PRKCA: variants seen among roughly 807,000 people sequenced by gnomAD.
The protein encoded by PRKCA is protein kinase C alpha.
Under a neutral mutation model 87.0 loss-of-function variants are expected in PRKCA, and 27 were observed. That is an observed-to-expected ratio of 0.31 (90% CI 0.23 to 0.43). The LOEUF (loss-of-function observed/expected upper bound fraction) is 0.43, where lower values mean the gene tolerates loss of function less well. PRKCA is among the 20% of genes least tolerant of loss of function. The probability of loss-of-function intolerance (pLI) is 1.00; values close to 1 mark genes in which losing one functional copy is unlikely to be tolerated. For synonymous variants in PRKCA, 329 were observed against 311.1 expected (o/e 1.06, Z -0.61); for missense variants, 518 against 852.3 (o/e 0.61, Z 4.88).
intron 2 of PRKCA, among the ~76,000 whole-genome samples, chr17:66,315,605 G>A (rs762086808): frequency 2.0e-5 from 3 of 151,570 alleles, no homozygotes; most frequent in Non-Finnish European, 4.4e-5. Flanking sequence ...TCAGCCTCCC[G>A]AGTAGCTGGG....
At chr17:66,557,736 C>A (rs981958277) in intron 3 of PRKCA, among the ~76,000 whole-genome samples, 1 of 152,198 alleles carries the variant, frequency 6.6e-6, no homozygotes, top group Admixed American at 6.5e-5. Flanking sequence ...TCTCTCCATA[C>A]TTCCAAAACC....
intron 2 of PRKCA, among the ~76,000 whole-genome samples, chr17:66,365,339 C>T (rs550603937): frequency 2.9e-4 from 44 of 152,208 alleles, no homozygotes; most frequent in African/African-American, 9.4e-4. Flanking sequence ...AAGGTGTATC[C>T]GTCTTGCTGG....
intron 2 of PRKCA, chr17:66,416,148 G>C (rs1265336562): frequency 6.6e-6 from 1 of 152,182 alleles, no homozygotes; most frequent in Non-Finnish European, 1.5e-5. Context: ...CATCATGAAA[G>C]AGCCTGCACT....
intron 2 of PRKCA, among the ~76,000 whole-genome samples, chr17:66,424,021 C>T (rs1396174082): frequency 1.3e-5 from 2 of 152,264 alleles, no homozygotes; most frequent in Non-Finnish European, 2.9e-5. Context: ...ATAATGCTGT[C>T]TTAGCAGAAG....
At chr17:66,360,399 A>G (rs1321837281) in intron 2 of PRKCA, among the ~76,000 whole-genome samples, 1 of 152,170 alleles carries the variant, frequency 6.6e-6, no homozygotes, top group Non-Finnish European at 1.5e-5. Context: ...TCCACGAGAA[A>G]AATACTCACT....
At chr17:66,504,132 C>T (rs765159934) in intron 3 of PRKCA, among the ~76,000 whole-genome samples, 32 of 152,152 alleles carry the variant, frequency 2.1e-4, no homozygotes, top group Non-Finnish European at 3.2e-4. Flanking sequence ...TTAAAGTTGC[C>T]TTCAGCCCCA....
chr17:66,691,158 A>T (rs1310891912), intron 8 of PRKCA, among the ~76,000 whole-genome samples: 1 of 152,162 alleles, frequency 6.6e-6, no homozygotes, highest in African/African-American at 2.4e-5. Context: ...CAAACAAAAA[A>T]CTTAGAACTC....
At chr17:66,772,725 C>T (rs906812310) in intron 13 of PRKCA, among the ~76,000 whole-genome samples, 2 of 152,210 alleles carry the variant, frequency 1.3e-5, no homozygotes, top group Admixed American at 6.5e-5. Context: ...CTCCCTTCCA[C>T]GAAGGGAGGT....
chr17:66,692,620 C>A (rs529110440), intron 8 of PRKCA, among the ~76,000 whole-genome samples: 2 of 152,298 alleles, frequency 1.3e-5, no homozygotes, highest in Admixed American at 6.5e-5. Flanking sequence ...CAATTTGAGG[C>A]ACCTCTTTGA....
rs377155496 is a variant in PRKCA at position 66,545,264 on chromosome 17, TA to T, written c.288+48987del. On this transcript the variant is annotated intron_variant, in intron 3 of 16. Coordinates refer to ENST00000413366, the MANE Select transcript of PRKCA (RefSeq NM_002737.3). ...TAACACGGTGAAACCCCGCCTCTACTAAAAAATACAAAAAATTAGCCAGGCG... is the reference window on the plus strand; with the variant it reads ...TAACACGGTGAAACCCCGCCTCTACTAAAAATACAAAAAATTAGCCAGGCG... Among the ~76,000 whole-genome samples, 1,362 of 152,070 alleles carry T rather than the reference TA, an allele frequency of 9.0e-3. 18 individuals carry two copies. Among genetic ancestry groups the T allele is most frequent in the African/African-American group, 0.025 (1,038 of 41,484 alleles).
At chr17:66,791,954 CG>C (rs1185303998) in intron 16 of PRKCA, among the ~76,000 whole-genome samples, 1 of 152,186 alleles carries the variant, frequency 6.6e-6, no homozygotes, top group African/African-American at 2.4e-5. Flanking sequence ...CATTCTCTAA[CG>C]GGTCATTTTG....
intron 3 of PRKCA, among the ~76,000 whole-genome samples, chr17:66,521,144 C>T (rs1373495317): frequency 6.6e-6 from 1 of 151,860 alleles, no homozygotes; most frequent in Non-Finnish European, 1.5e-5. Context: ...AAAAAAAGTA[C>T]TAAAAATGTT....
intron 3 of PRKCA, among the ~76,000 whole-genome samples, chr17:66,514,988 G>T (rs1185236386): frequency 6.6e-6 from 1 of 152,034 alleles, no homozygotes; most frequent in Middle Eastern, 3.2e-3. Flanking sequence ...GGGTGCGGTG[G>T]CTCACATGCA....
chr17:66,709,164 T>C (rs1973257101), intron 8 of PRKCA, among the ~76,000 whole-genome samples: 1 of 152,172 alleles, frequency 6.6e-6, no homozygotes, highest in Non-Finnish European at 1.5e-5. Flanking sequence ...AGAAATCTGA[T>C]CATCTGATCC....
At chr17:66,370,866 C>T (rs1246718438) in intron 2 of PRKCA, among the ~76,000 whole-genome samples, 1 of 152,070 alleles carries the variant, frequency 6.6e-6, no homozygotes, top group East Asian at 1.9e-4. Context: ...TGCTTGAGAG[C>T]AGAGAGTAAG....
intron 8 of PRKCA, among the ~76,000 whole-genome samples, chr17:66,725,785 G>A (rs1973731831): frequency 6.6e-6 from 1 of 151,038 alleles, no homozygotes; most frequent in African/African-American, 2.4e-5. Context: ...ACTCCAGCCT[G>A]GGCGACAGAG....
At chr17:66,747,661 A>G (rs1019910988) in intron 13 of PRKCA, among the ~76,000 whole-genome samples, 9 of 152,320 alleles carry the variant, frequency 5.9e-5, no homozygotes, top group Admixed American at 5.9e-4. Flanking sequence ...GATATGGGAG[A>G]AAAAGCAGGT....
chr17:66,772,416 G>A (rs1974953418), intron 13 of PRKCA, among the ~76,000 whole-genome samples: 1 of 151,912 alleles, frequency 6.6e-6, no homozygotes, highest in Non-Finnish European at 1.5e-5. Flanking sequence ...AGAAATATTA[G>A]TAATACATTA....
At chr17:66,382,758 C>T (rs8076036) in intron 2 of PRKCA, among the ~76,000 whole-genome samples, 1,739 of 152,122 alleles carry the variant, frequency 0.011, 31 homozygotes, top group African/African-American at 0.04. Flanking sequence ...TATTGTTATA[C>T]TGGGGCTGGA....
Sources: allele counts gnomAD v4.1 joint callset (sites outside exome capture counted in the v4.1 genomes callset), GRCh38; gene constraint gnomAD v4.1.1; transcripts MANE v1.5; gene names NCBI Gene and HGNC (gene_info 2026-07-23, HGNC 2026-07-21).